The following PCCA variants were observed in gnomAD, a reference collection of about 807,000 sequenced individuals.
PCCA encodes the protein propionyl-CoA carboxylase subunit alpha, also known as propionyl-CoA carboxylase alpha chain, mitochondrial.
PCCA carries 74 observed loss-of-function variants against 101.3 expected under a neutral mutation model. The observed-to-expected ratio is 0.73, with a 90% CI of 0.61 to 0.89. PCCA has a LOEUF of 0.89. Ranked by LOEUF, PCCA falls within the 40% of genes least tolerant of loss-of-function variation. The pLI is 0.00. For missense variants in PCCA, 891 were observed against 907.0 expected, an observed-to-expected ratio of 0.98 and a Z score of 0.23; for synonymous variants, 294 against 313.6, an observed-to-expected ratio of 0.94 and a Z score of 0.66.
chr13:100,394,397 TCA>T lies in PCCA; in HGVS notation c.1746+25824_1746+25825del. Among the ~76,000 whole-genome samples, 1 of 152,218 alleles carries T rather than the reference TCA, an allele frequency of 6.6e-6. No homozygotes were observed. Among genetic ancestry groups the T allele is most frequent in the Non-Finnish European group, 1.5e-5 (1 of 67,996 alleles). On this transcript the variant is annotated intron_variant, in intron 19 of 23. Coordinates refer to ENST00000376285, the MANE Select transcript of PCCA (RefSeq NM_000282.4). This position sits in a 1 kb window ranked among gnomAD's most constrained non-coding sequence, Gnocchi z 4.3. The stretch of plus-strand genomic sequence containing the variant: ...TTTCTTCAGCGAGGTTCCTTTTGCA[TCA>T]GCGCTGGTTCTTGGTGGCAGTCAGA...
chr13:100,411,521 T>A (rs2078050390), intron 19 of PCCA, among the ~76,000 whole-genome samples: 1 of 152,214 alleles, frequency 6.6e-6, no homozygotes, highest in South Asian at 2.1e-4. Context: ...GGAAACATTT[T>A]CCCAAATTAA....
chr13:100,128,499 G>C (rs1039671319), intron 4 of PCCA, among the ~76,000 whole-genome samples: 2 of 152,156 alleles, frequency 1.3e-5, no homozygotes, highest in African/African-American at 2.4e-5. Flanking sequence ...AGAGAATCAT[G>C]GTTCCCTTCA....
At chr13:100,429,103 C>T (rs1281613683) in intron 20 of PCCA, among the ~76,000 whole-genome samples, 2 of 151,936 alleles carry the variant, frequency 1.3e-5, no homozygotes, top group Non-Finnish European at 2.9e-5. Context: ...GGGATGAGGG[C>T]ACTGTGTGCA....
chr13:100,491,646 G>A (rs1279362882), intron 21 of PCCA: 1 of 1,304,022 alleles, frequency 7.7e-7, no homozygotes, highest in Admixed American at 2.3e-5. Flanking sequence ...TAACTTTTTT[G>A]TAGCCCTGGA....
At chr13:100,164,354 C>T (rs1044401235) in intron 6 of PCCA, among the ~76,000 whole-genome samples, 6 of 152,108 alleles carry the variant, frequency 3.9e-5, no homozygotes, top group Non-Finnish European at 8.8e-5. Context: ...CTGGCAGGCT[C>T]GGATAGGAGA....
rs200753307 is a variant in PCCA, at chr13:100,328,401, A to G, written c.1430-2160A>G. Among the ~76,000 whole-genome samples, 351 of 111,812 alleles carry G rather than the reference A, an allele frequency of 3.1e-3. 2 individuals are homozygous for G. Among genetic ancestry groups the G allele is most frequent in the African/African-American group, 8.4e-3 (260 of 30,880 alleles). The allele number at this position is 111,812 out of a possible 152,430, so 73.4% of individuals were successfully genotyped here. A position where few individuals can be genotyped will look rare whatever the true frequency, so the allele number is the denominator to read the frequency against. On this transcript the variant is annotated intron_variant, in intron 16 of 23. Coordinates refer to ENST00000376285, the MANE Select transcript of PCCA (RefSeq NM_000282.4). The stretch of plus-strand genomic sequence containing the variant: ...TAATAATAATAATAATAATAATAAT[A>G]ATAATGATGATAATAATAATATATT...
Position 100,401,016 on chromosome 13 carries a change from A to G in PCCA, c.1747-24617A>G, listed in dbSNP as rs118091490. 1.0e-2 allele frequency among the ~76,000 whole-genome samples: 1,522 copies of G among 152,244 alleles called. 80 individuals are homozygous for G. Among genetic ancestry groups the G allele is most frequent in the Admixed American group, 0.087 (1,333 of 15,284 alleles). ...AAAGTGCTTTTCTTTAGGACTTTTT[A>G]GAATATGTTCAAAATACTGATCTTT... On this transcript the variant is annotated intron_variant, in intron 19 of 23. Transcript: ENST00000376285.
At chr13:100,184,923 A>G (rs1278507370) in intron 6 of PCCA, among the ~76,000 whole-genome samples, 1 of 152,212 alleles carries the variant, frequency 6.6e-6, no homozygotes, top group Admixed American at 6.5e-5. Context: ...ATGGTTAGAA[A>G]ATTCTTCATT....
intron 7 of PCCA, among the ~76,000 whole-genome samples, chr13:100,217,709 G>C (rs1405364384): frequency 2.0e-5 from 3 of 151,534 alleles, no homozygotes; most frequent in Non-Finnish European, 2.9e-5. Context: ...AAAAAAATTA[G>C]TTGGGCGTGG....
intron 18 of PCCA, among the ~76,000 whole-genome samples, chr13:100,362,266 T>C (rs547067309): frequency 3.3e-5 from 5 of 152,106 alleles, no homozygotes; most frequent in African/African-American, 9.7e-5. Context: ...GGAATTTGAC[T>C]GTATGTTAGT....
intron 19 of PCCA, among the ~76,000 whole-genome samples, chr13:100,407,002 A>G (rs891329699): frequency 1.3e-5 from 2 of 152,216 alleles, no homozygotes; most frequent in Non-Finnish European, 1.5e-5. Context: ...AAGGATTAAA[A>G]CAAGACAACA....
chr13:100,522,761 AC>A (rs1480399750), intron 22 of PCCA, among the ~76,000 whole-genome samples: 2 of 152,180 alleles, frequency 1.3e-5, no homozygotes, highest in Admixed American at 1.3e-4. Flanking sequence ...TGTGTGGGAG[AC>A]CACAGCTGTT....
At chr13:100,399,498 A>T (rs2077215349) in intron 19 of PCCA, among the ~76,000 whole-genome samples, 1 of 152,232 alleles carries the variant, frequency 6.6e-6, no homozygotes, top group South Asian at 2.1e-4. Context: ...ATGTTAATTC[A>T]GGAACAGAGT....
intron 12 of PCCA, among the ~76,000 whole-genome samples, chr13:100,300,399 TATA>T (rs2065972509): frequency 6.6e-6 from 1 of 152,210 alleles, no homozygotes; most frequent in Non-Finnish European, 1.5e-5. Flanking sequence ...TCAAGATTAT[TATA>T]ATGACTAAGT....
chr13:100,360,628 C>G (rs1292431092), intron 18 of PCCA, among the ~76,000 whole-genome samples: 1 of 152,124 alleles, frequency 6.6e-6, no homozygotes, highest in East Asian at 1.9e-4. Context: ...CACTACATAC[C>G]TATTAGAATG....
chr13:100,298,791 C>T (rs568898240), intron 12 of PCCA, among the ~76,000 whole-genome samples: 39 of 147,368 alleles, frequency 2.6e-4, no homozygotes, highest in African/African-American at 9.8e-4. Context: ...TGTTCTATCA[C>T]TTAAGTATTG....
At chr13:100,461,168 G>A (rs555848449) in intron 21 of PCCA, among the ~76,000 whole-genome samples, 141 of 152,342 alleles carry the variant, frequency 9.3e-4, no homozygotes, top group Admixed American at 2.1e-3. Flanking sequence ...AGACCTCCCC[G>A]TGGGGTTGTT....
intron 20 of PCCA, 133 bp downstream of exon 20, chr13:100,425,864 A>C (rs2152894284): frequency 2.9e-6 from 2 of 682,470 alleles, no homozygotes; most frequent in East Asian, 5.4e-5. Context: ...TACAGTCGAA[A>C]ACTTTTTCTT....
chr13:100,419,471 CAAA>C (rs56795912), intron 19 of PCCA, among the ~76,000 whole-genome samples: 3 of 112,876 alleles, frequency 2.7e-5, no homozygotes, highest in Admixed American at 9.7e-5. Flanking sequence ...GACTTTGTCT[CAAA>C]AAAAAAAAAA....
Sources: gnomAD v4.1 joint callset for allele counts (sites outside exome capture counted in the v4.1 genomes callset) on GRCh38, gnomAD v4.1.1 for gene constraint, Gnocchi (gnomAD v3.1) non-coding constraint, MANE v1.5 for transcripts, NCBI Gene and HGNC (gene_info 2026-07-23, HGNC 2026-07-21) for gene names.